SPG7: variants seen among roughly 807,000 people sequenced by gnomAD.
SPG7 encodes the protein SPG7 matrix AAA peptidase subunit, paraplegin, also known as mitochondrial inner membrane m-AAA protease component paraplegin.
In SPG7, 103 loss-of-function variants were observed where a neutral mutation model predicts 81.9. The observed-to-expected ratio is 1.26, with a 90% CI of 1.07 to 1.48. The LOEUF (loss-of-function observed/expected upper bound fraction) is 1.48. SPG7 is among the 40% of genes most tolerant of loss of function. SPG7 has a pLI of 0.00. For missense variants in SPG7, 1,241 were observed against 1,087.3 expected (o/e 1.14, Z -1.99); for synonymous variants, 534 against 444.2 (o/e 1.20, Z -2.54).
intron 3 of SPG7, chr16:89,522,081 T>TAA (rs1309310229): frequency 6.6e-6 from 1 of 152,242 alleles, no homozygotes; most frequent in South Asian, 2.1e-4. Context: ...CCTGAGAACA[T>TAA]AAATTTGCTC....
intron 1 of SPG7, 56 bp from the exon 2 acceptor site, chr16:89,510,434 T>G (rs2058001109): frequency 9.1e-7 from 1 of 1,102,822 alleles, no homozygotes; most frequent in Admixed American, 1.7e-5. Flanking sequence ...TCTGCATTGC[T>G]TTGGTACTCT....
chr16:89,557,047 C>A lies in SPG7; in HGVS notation c.2342C>A (p.Thr781Asn), dbSNP rs2058694509. 3 of 1,612,416 alleles carry A rather than the reference C, an allele frequency of 1.9e-6. No homozygotes were observed. Among genetic ancestry groups the A allele is most frequent in the Non-Finnish European group, 2.5e-6 (3 of 1,179,998 alleles). ...TTGGGCGAGGAGGAGACCGAAGAGA[C>A]CCAGCAGCCTCCACTTGGAGGCGAA... Reference protein sequence around the residue: ...QDLGEEETEETQQPPLGGEEP... With the variant: ...QDLGEEETEENQQPPLGGEEP... The change falls in exon 17 of 17, where the codon ACC (threonine) becomes AAC (asparagine). Residue 781 changes from threonine (T) to asparagine (N), a missense_variant. By Grantham distance (65) the Thr-to-Asn change is moderately conservative (BLOSUM62 0). Coordinates refer to ENST00000645818, the MANE Select transcript of SPG7 (RefSeq NM_003119.4).
chr16:89,546,567 G>T, intron 10 of SPG7, 91 bp from the exon 11 acceptor site: 1 of 908,286 alleles, frequency 1.1e-6, no homozygotes, highest in Non-Finnish European at 1.8e-6. Context: ...CCAGCTACTT[G>T]GGGACCCCCC....
intron 10 of SPG7, chr16:89,546,092 CTT>C (rs891752792): frequency 7.8e-3 from 1,896 of 244,226 alleles, no homozygotes; most frequent in South Asian, 0.014. Flanking sequence ...AGAGCGTTCT[CTT>C]TTTTTTTTTT....
chr16:89,547,390 C>A, intron 11 of SPG7: 1 of 177,788 alleles, frequency 5.6e-6, no homozygotes, highest in Non-Finnish European at 1.2e-5. Context: ...AGACGGGCGT[C>A]AGGGCGGATG....
Position 89,526,780 on chromosome 16 carries a change from C to T in SPG7, c.758+312C>T, listed in dbSNP as rs1354158071. ...TAGATGCCGAAGTCTCAGCCCCCGA[C>T]GTAAGATGCCGAAGTCTCAGCCCCC... is the stretch of plus-strand genomic sequence containing the variant. On this transcript the variant is annotated intron_variant, in intron 5 of 16. Transcript: ENST00000645818. 3.0e-5 allele frequency: 11 copies of T among 369,720 alleles called. 1 individual carries two copies. The highest frequency in any genetic ancestry group is 1.7e-4 in the African/African-American group (8 of 47,030). The allele number at this position is 369,720 out of a possible 1,614,324, so 22.9% of individuals were successfully genotyped here. A position where few individuals can be genotyped will look rare whatever the true frequency, so the allele number is the denominator to read the frequency against.
chr16:89,550,748 T>G, intron 13 of SPG7, 139 bp downstream of exon 13: 1 of 694,848 alleles, frequency 1.4e-6, no homozygotes, highest in Non-Finnish European at 2.6e-6. Context: ...GTAGGTCATG[T>G]GAGAGGAAAG....
rs1352282991 is a variant in SPG7, at chr16:89,508,562, C to T, written c.145C>T (p.Pro49Ser). The change falls in exon 1 of 17, where the codon CCG (proline) becomes TCG (serine). Residue 49 changes from proline (P) to serine (S), a missense_variant. By Grantham distance (74) the Pro-to-Ser change is moderately conservative (BLOSUM62 -1). Coordinates refer to ENST00000645818, the MANE Select transcript of SPG7 (RefSeq NM_003119.4). The part of the protein sequence containing the change: ...RGRPYMASRP[P>S]GDLAEAGGRA... ...GCGGCCGTACATGGCCAGCAGGCCT[C>T]CGGGGGACCTCGCCGAGGCTGGAGG... The T allele has an allele frequency of 1.3e-6, 2 of 1,496,494 alleles. No homozygotes were observed. The highest frequency in any genetic ancestry group is 2.4e-4 in the Middle Eastern group (1 of 4,252). The allele number at this position is 1,496,494 out of a possible 1,614,324, so 92.7% of individuals were successfully genotyped here. A position where few individuals can be genotyped will look rare whatever the true frequency, so the allele number is the denominator to read the frequency against.
At chr16:89,527,818 G>A (rs1257522144) in intron 5 of SPG7, among the ~76,000 whole-genome samples, 4 of 152,272 alleles carry the variant, frequency 2.6e-5, no homozygotes, top group South Asian at 2.1e-4. Flanking sequence ...ACCTCTAGCC[G>A]GGTGCAGTGG....
intron 15 of SPG7, 89 bp downstream of exon 15, chr16:89,554,049 C>T (rs906798086): frequency 1.4e-6 from 2 of 1,426,910 alleles, no homozygotes; most frequent in African/African-American, 1.4e-5. Context: ...CCACGGCCGC[C>T]CCAGCGGAGC....
Position 89,548,057 on chromosome 16 carries a change from G to C in SPG7, c.1607G>C (p.Gly536Ala), listed in dbSNP as rs765195141. The C allele has an allele frequency of 6.2e-7, 1 of 1,611,346 alleles. No individual in the cohort carries two copies. The highest frequency in any genetic ancestry group is 8.5e-7 in the Non-Finnish European group (1 of 1,180,014). ...NEAALHAARE[G>A]HTSVHTLNFE... ...GCTGCGCTGCACGCGGCGCGGGAGG[G>C]ACACACTTCCGTGCACACTCTCAAC... is the stretch of plus-strand genomic sequence containing the variant. Residue 536 changes from glycine (G) to alanine (A), a missense_variant, in exon 12 of 17, where the codon GGA (glycine) becomes GCA (alanine). Gly to Ala is a moderately conservative substitution (Grantham distance 60). Coordinates refer to ENST00000645818, the MANE Select transcript of SPG7 (RefSeq NM_003119.4).
In SPG7 at chr16:89,557,461, CACG is replaced by C; in HGVS notation, c.*371_*373del. ...AGACCCCTGTTCATGCCGACGCTTG[CACG>C]ACCGCCCCAGTTCCTGTGGCTCCCT... On this transcript the variant is annotated 3_prime_UTR_variant, in exon 17 of 17. Transcript: ENST00000645818. The C allele has an allele frequency of 6.6e-6, 2 of 303,518 alleles. No homozygotes were observed. Among genetic ancestry groups the C allele is most frequent in the Non-Finnish European group, 1.3e-5 (2 of 156,936 alleles). 18.8% of individuals were successfully genotyped at this position (303,518 alleles called of 1,614,324 possible).
chr16:89,535,614 G>A (rs2058403647), intron 9 of SPG7, among the ~76,000 whole-genome samples: 1 of 152,210 alleles, frequency 6.6e-6, no homozygotes, highest in South Asian at 2.1e-4. Context: ...CTTCAGAGAT[G>A]TGGGGTGAGC....
chr16:89,544,557 TC>T (rs1202003464), intron 9 of SPG7, 90 bp from the exon 10 acceptor site: 11 of 1,486,822 alleles, frequency 7.4e-6, no homozygotes, highest in Non-Finnish European at 1.0e-5. Context: ...GGGGTCTCTC[TC>T]CCTCCTGTGT....
At position 89,526,384 on chromosome 16, in the gene SPG7, A is replaced by G; in HGVS notation, c.674A>G (p.Lys225Arg). ...GCAAATATTGACAAGTTTGAAGAGA[A>G]GCTTCGAGCAGCTGAAGATGAGCTG... ...QVANIDKFEEKLRAAEDELNI... is the reference protein window; with the variant it reads ...QVANIDKFEERLRAAEDELNI... The change falls in exon 5 of 17, where the codon AAG becomes AGG. Residue 225 changes from lysine to arginine, a missense_variant. Physicochemically the swap from Lys to Arg is conservative, Grantham distance 26 (BLOSUM62 2). Transcript: ENST00000645818. The G allele has an allele frequency of 6.2e-7, 1 of 1,614,198 alleles. No homozygotes were observed. Among genetic ancestry groups the G allele is most frequent in the Non-Finnish European group, 8.5e-7 (1 of 1,180,044 alleles).
intron 7 of SPG7, chr16:89,531,047 T>G: frequency 1.6e-6 from 1 of 617,526 alleles, no homozygotes; most frequent in African/African-American, 1.8e-5. Flanking sequence ...ACTGTGCCGT[T>G]AGCCGTCCTG....
At position 89,529,313 on chromosome 16, in the gene SPG7, G is replaced by T. The variant is rs3803678; in HGVS notation, c.759-164G>T. On this transcript the variant is annotated intron_variant, in intron 5 of 16. Coordinates refer to ENST00000645818, the MANE Select transcript of SPG7 (RefSeq NM_003119.4). The stretch of plus-strand genomic sequence containing the variant: ...AAAGCACAGTCAGCGAGAATGAGAC[G>T]AGAGAACCCATTTCCACAACCATTT... 2.3e-4 allele frequency: 153 copies of T among 666,194 alleles called. 1 individual carries two copies. In the East Asian group the frequency reaches 3.2e-3, roughly 14 times the overall value. 41.3% of individuals were successfully genotyped at this position (666,194 alleles called of 1,614,324 possible).
chr16:89,551,678 CAGG>C (rs1475474394), intron 13 of SPG7: 2 of 152,260 alleles, frequency 1.3e-5, no homozygotes, highest in African/African-American at 4.8e-5. Flanking sequence ...CACTTGAGGT[CAGG>C]AGTTCGAGAC....
intron 16 of SPG7, chr16:89,555,833 G>C (rs1432210683): frequency 1.3e-5 from 5 of 398,566 alleles, no homozygotes; most frequent in Non-Finnish European, 2.2e-5. Context: ...TGGGTAGGCA[G>C]TGGATAGGTA....
Sources: gnomAD v4.1 joint callset for allele counts (sites outside exome capture counted in the v4.1 genomes callset) on GRCh38, gnomAD v4.1.1 for gene constraint, MANE v1.5 for transcripts, NCBI Gene and HGNC (gene_info 2026-07-23, HGNC 2026-07-21) for gene names.